Variants in KLHL2 observed in about 807,000 individuals in gnomAD.
The protein encoded by KLHL2 is kelch-like protein 2.
KLHL2 carries 15 observed loss-of-function variants against 75.8 expected under a neutral mutation model. That is an observed-to-expected ratio of 0.20 (90% confidence interval 0.13 to 0.30). The LOEUF (loss-of-function observed/expected upper bound fraction) is 0.30, where lower values mean the gene tolerates loss of function less well. Among genes scored for constraint, KLHL2 ranks in the 10% least tolerant of loss-of-function variants. KLHL2 has a pLI of 1.00. For synonymous variants in KLHL2, 214 were observed against 251.9 expected (o/e 0.85, Z 1.42); for missense variants, 381 against 741.0 (o/e 0.51, Z 5.64).
At position 165,305,693 on chromosome 4, in the gene KLHL2, T is replaced by G. The variant is rs1347042106; in HGVS notation, c.1007T>G (p.Val336Gly). ...TTTAAAGAAGAAAGGTGGCACCAAG[T>G]AGCAGAGTTGCCTTCCAGGAGGTGC... ...YDFKEERWHQ[V>G]AELPSRRCRA... is the part of the protein sequence containing the mutation. The change falls in exon 9 of 15, where the codon GTA (valine) becomes GGA (glycine). Residue 336 changes from valine (V) to glycine (G), a missense_variant. Physicochemically the swap from Val to Gly is moderately radical, Grantham distance 109. This residue lies in a region of KLHL2 where 168 missense variants were observed against 370.4 expected (regional missense o/e 0.45). Transcript: ENST00000226725. The G allele has an allele frequency of 6.2e-7, 1 of 1,613,958 alleles. No homozygotes were observed. Among genetic ancestry groups the G allele is most frequent in the Non-Finnish European group, 8.5e-7 (1 of 1,179,924 alleles).
At chr4:165,278,192 T>C in intron 5 of KLHL2, 1 of 1,294,662 alleles carries the variant, frequency 7.7e-7, no homozygotes, top group South Asian at 1.2e-5. Flanking sequence ...TTCAAACCGC[T>C]CCATCGTGAC....
At chr4:165,238,633 G>T (rs3817236) in intron 3 of KLHL2, 145 bp from the exon 4 acceptor site, 2 of 1,470,422 alleles carry the variant, frequency 1.4e-6, no homozygotes, top group Admixed American at 2.8e-5. Flanking sequence ...AGGAAGGGGG[G>T]AGTATTTTCG....
chr4:165,230,484 A>G (rs1035197524), intron 3 of KLHL2, among the ~76,000 whole-genome samples: 4 of 152,060 alleles, frequency 2.6e-5, no homozygotes, highest in African/African-American at 9.7e-5. Flanking sequence ...AGTAATTATT[A>G]TGGTCATCAT....
Position 165,207,921 on chromosome 4 carries a change from G to GGGCT in KLHL2, c.26+21_26+24dup. On this transcript the variant is annotated intron_variant, in intron 1 of 14. Transcript: ENST00000226725. This position sits in a 1 kb window ranked among gnomAD's most constrained non-coding sequence, Gnocchi z 4.2. ...CTCCCGCGTGAGTGAGCGGGCGGGCGGGCTGCGCCGCTGCGGATAAGCGCG... is the reference window on the plus strand; with the variant it reads ...CTCCCGCGTGAGTGAGCGGGCGGGCGGGCTGGCTGCGCCGCTGCGGATAAGCGCG... 7.1e-7 allele frequency: 1 copy of GGGCT among 1,407,532 alleles called. No individual in the cohort carries two copies. The highest frequency in any genetic ancestry group is 9.3e-7 in the Non-Finnish European group (1 of 1,072,382). 87.2% of individuals were successfully genotyped at this position (1,407,532 alleles called of 1,614,324 possible). A position where few individuals can be genotyped will look rare whatever the true frequency, so the allele number is the denominator to read the frequency against.
chr4:165,274,733 T>C (rs1298518110), intron 5 of KLHL2, among the ~76,000 whole-genome samples: 1 of 152,236 alleles, frequency 6.6e-6, no homozygotes, highest in African/African-American at 2.4e-5. Context: ...GAATACATTA[T>C]AATTAAATTA....
chr4:165,294,394 T>G lies in KLHL2; in HGVS notation c.580T>G (p.Phe194Val). 1 of 1,612,080 alleles carries G rather than the reference T, an allele frequency of 6.2e-7. No homozygotes were observed. Among genetic ancestry groups the G allele is most frequent in the Non-Finnish European group, 8.5e-7 (1 of 1,178,332 alleles). Residue 194 changes from phenylalanine to valine, a missense_variant, in exon 6 of 15, where the codon TTT (phenylalanine) becomes GTT (valine). Phe to Val is a conservative substitution (Grantham distance 50). Coordinates refer to ENST00000226725, the MANE Select transcript of KLHL2 (RefSeq NM_007246.4). ...HFADVVLSEEFLNLGIEQVCS... is the reference protein window; with the variant it reads ...HFADVVLSEEVLNLGIEQVCS... ...TGCAGATGTTGTACTTAGTGAAGAATTTCTCAATCTTGGCATCGAACAAGT... is the reference window on the plus strand; with the variant it reads ...TGCAGATGTTGTACTTAGTGAAGAAGTTCTCAATCTTGGCATCGAACAAGT...
intron 3 of KLHL2, among the ~76,000 whole-genome samples, chr4:165,229,894 T>C (rs1738745494): frequency 6.6e-6 from 1 of 152,236 alleles, no homozygotes; most frequent in African/African-American, 2.4e-5. Flanking sequence ...TGAAAACTTT[T>C]CTGGGTGTCT....
At chr4:165,241,374 T>C (rs1230754240) in intron 4 of KLHL2, among the ~76,000 whole-genome samples, 1 of 152,234 alleles carries the variant, frequency 6.6e-6, no homozygotes, top group Non-Finnish European at 1.5e-5. Context: ...TAAATCTTTC[T>C]TGTAAAGTGC....
Position 165,220,018 on chromosome 4 carries a change from G to C in KLHL2, c.111G>C (p.Trp37Cys). 1 of 1,612,040 alleles carries C rather than the reference G, an allele frequency of 6.2e-7. No homozygotes were observed. The highest frequency in any genetic ancestry group is 8.5e-7 in the Non-Finnish European group (1 of 1,179,446). The change falls in exon 2 of 15, where the codon TGG becomes TGC. Residue 37 changes from tryptophan to cysteine, a missense_variant. By Grantham distance (215) the Trp-to-Cys change is radical. Coordinates refer to ENST00000226725, the MANE Select transcript of KLHL2 (RefSeq NM_007246.4). ...EKHCPVTVNP[W>C]HMKKAFKVMN... ...ACTGCCCAGTGACAGTGAATCCTTG[G>C]CATATGAAGAAAGCTTTCAAAGTCA...
chr4:165,300,757 C>G (rs952483762), intron 8 of KLHL2, among the ~76,000 whole-genome samples: 2 of 152,134 alleles, frequency 1.3e-5, no homozygotes, highest in African/African-American at 2.4e-5. Context: ...ATTTTTAACT[C>G]TTGTATATGT....
At chr4:165,231,615 A>G (rs1738898312) in intron 3 of KLHL2, among the ~76,000 whole-genome samples, 1 of 152,222 alleles carries the variant, frequency 6.6e-6, no homozygotes, top group South Asian at 2.1e-4. Flanking sequence ...ATTGCTAAAT[A>G]GCATTCTCTG....
chr4:165,210,306 C>A, intron 1 of KLHL2: 1 of 953,534 alleles, frequency 1.0e-6, no homozygotes, highest in Non-Finnish European at 1.6e-6. Flanking sequence ...TTCTCAGATC[C>A]CACCTTGTTC....
intron 4 of KLHL2, among the ~76,000 whole-genome samples, chr4:165,244,147 G>A (rs769089369): frequency 1.3e-5 from 2 of 152,002 alleles, no homozygotes; most frequent in East Asian, 1.9e-4. Context: ...CATTCCTCCC[G>A]TGTCTAATTG....
rs976532593 is a variant in KLHL2 at position 165,302,122 on chromosome 4, G to A, written c.921+2466G>A. 5.3e-5 allele frequency among the ~76,000 whole-genome samples: 8 copies of A among 152,120 alleles called. No individual in the cohort carries two copies. In the South Asian group the frequency reaches 1.5e-3, roughly 28 times the overall value. On this transcript the variant is annotated intron_variant, in intron 8 of 14. Transcript: ENST00000226725. ...CTCTTTCATTCTGCTCTATCAGGGT[G>A]GTGGGTGGGGCAGCAGACTTGCTGG...
chr4:165,278,483 T>C (rs1281707609), intron 5 of KLHL2: 31 of 1,592,078 alleles, frequency 1.9e-5, no homozygotes, highest in Non-Finnish European at 2.4e-5. Context: ...ATGGCATTTA[T>C]TCGTGAATTG....
intron 8 of KLHL2, among the ~76,000 whole-genome samples, chr4:165,302,618 GCTT>G (rs1352508921): frequency 6.6e-6 from 1 of 151,862 alleles, no homozygotes; most frequent in East Asian, 1.9e-4. Context: ...TGTGTGTTTT[GCTT>G]CTTTTGTATT....
intron 5 of KLHL2, chr4:165,279,042 C>G (rs748509820): frequency 1.3e-5 from 19 of 1,503,628 alleles, no homozygotes; most frequent in East Asian, 4.5e-5. Flanking sequence ...GTCCTACTTG[C>G]ATTTGTTACA....
At chr4:165,273,629 T>C (rs999762583) in intron 5 of KLHL2, among the ~76,000 whole-genome samples, 3 of 152,186 alleles carry the variant, frequency 2.0e-5, no homozygotes, top group Admixed American at 2.0e-4. Context: ...TCTCTCTCTT[T>C]GCCTGCTGCC....
intron 8 of KLHL2, among the ~76,000 whole-genome samples, chr4:165,299,973 A>G (rs1465564464): frequency 6.6e-6 from 1 of 152,170 alleles, no homozygotes; most frequent in East Asian, 1.9e-4. Flanking sequence ...ATAGTCCAAA[A>G]AAATCAGACC....
Sources: gnomAD v4.1 joint callset for allele counts (sites outside exome capture counted in the v4.1 genomes callset) on GRCh38, gnomAD v4.1.1 for gene constraint, gnomAD v4.1.1 regional missense constraint, Gnocchi (gnomAD v3.1) non-coding constraint, MANE v1.5 for transcripts, NCBI Gene and HGNC (gene_info 2026-07-23, HGNC 2026-07-21) for gene names.